Variants in ZZEF1 observed in about 807,000 individuals in gnomAD.
ZZEF1 encodes zinc finger ZZ-type and EF-hand domain-containing protein 1.
ZZEF1 carries 157 observed loss-of-function variants against 342.8 expected under a neutral mutation model. The observed-to-expected ratio is 0.46, with a 90% CI of 0.40 to 0.52. The LOEUF is 0.52. Ranked by LOEUF, ZZEF1 falls within the 20% of genes least tolerant of loss-of-function variation. ZZEF1 has a pLI of 0.00. For missense variants in ZZEF1, 3,480 were observed against 3,725.6 expected (o/e 0.93, Z 1.72); for synonymous variants, 1,505 against 1,429.1 (o/e 1.05, Z -1.20).
chr17:4,022,513 T>C, intron 44 of ZZEF1, 196 bp downstream of exon 44: 1 of 625,806 alleles, frequency 1.6e-6, no homozygotes, highest in South Asian at 2.5e-5. Flanking sequence ...AACATTAAAT[T>C]CATTTTCCCT....
chr17:4,113,631 C>A (rs1460511605), intron 4 of ZZEF1, among the ~76,000 whole-genome samples: 1 of 151,344 alleles, frequency 6.6e-6, no homozygotes, highest in Non-Finnish European at 1.5e-5. Context: ...TGCCACTGCA[C>A]TCCAGCCTGG....
intron 8 of ZZEF1, among the ~76,000 whole-genome samples, chr17:4,104,424 T>C (rs2058176534): frequency 6.6e-6 from 1 of 152,184 alleles, no homozygotes; most frequent in African/African-American, 2.4e-5. Flanking sequence ...CTGGTGATAC[T>C]GCCATCACAT....
chr17:4,074,001 G>A (rs2057559263), intron 24 of ZZEF1, 149 bp downstream of exon 24: 3 of 892,574 alleles, frequency 3.4e-6, no homozygotes, highest in Non-Finnish European at 5.1e-6. Context: ...GGTATTGAGT[G>A]GACACTTTAT....
At chr17:4,133,432 G>A (rs1221762768) in intron 1 of ZZEF1, among the ~76,000 whole-genome samples, 4 of 152,018 alleles carry the variant, frequency 2.6e-5, no homozygotes, top group Admixed American at 6.6e-5. Flanking sequence ...ATAACCCCTC[G>A]GGTTCCTTAC....
intron 26 of ZZEF1, among the ~76,000 whole-genome samples, chr17:4,069,864 C>T (rs982804605): frequency 3.3e-5 from 5 of 151,558 alleles, no homozygotes; most frequent in African/African-American, 1.2e-4. Flanking sequence ...AAATGAGCAA[C>T]AGTCAATTAC....
At chr17:4,072,562 C>T (rs769869381) in intron 25 of ZZEF1, 46 bp downstream of exon 25, 8 of 1,560,170 alleles carry the variant, frequency 5.1e-6, no homozygotes, top group South Asian at 2.4e-5. Context: ...TAAATACTTG[C>T]AGGCAGTTTC....
chr17:4,005,975 T>A lies in ZZEF1; in HGVS notation c.*915A>T, dbSNP rs1346745418. 2.0e-5 allele frequency: 3 copies of A among 152,108 alleles called. No individual in the cohort carries two copies. Among genetic ancestry groups the A allele is most frequent in the African/African-American group, 4.8e-5 (2 of 41,408 alleles). 9.4% of individuals were successfully genotyped at this position (152,108 alleles called of 1,614,324 possible). ...GTGACAGCCAAACAGCCACGCAGAGTCCCAGAGGTGGGTATGACAGACTAC... is the reference window on the plus strand; with the variant it reads ...GTGACAGCCAAACAGCCACGCAGAGACCCAGAGGTGGGTATGACAGACTAC... On this transcript the variant is annotated 3_prime_UTR_variant, in exon 55 of 55. Coordinates refer to ENST00000381638, the MANE Select transcript of ZZEF1 (RefSeq NM_015113.4).
intron 43 of ZZEF1, 115 bp from the exon 44 acceptor site, chr17:4,022,943 C>T: frequency 7.3e-7 from 1 of 1,362,310 alleles, no homozygotes; most frequent in Non-Finnish European, 1.0e-6. Flanking sequence ...TCAACACATA[C>T]TTTTGAATGA....
Position 4,142,745 on chromosome 17 carries a change from G to A in ZZEF1, c.151C>T (p.Leu51=), listed in dbSNP as rs1186064058. ...GCCTCTCGCAGCCTGGCCGGCTCCA[G>A]CAGCGCCGCGGCGGGTGGTAGCGCT... ...APALPPAAAL[L]EPARLREAAA... The change falls in exon 1 of 55, where the codon CTG becomes TTG. Residue 51 remains leucine, a synonymous_variant. Transcript: ENST00000381638. The A allele has an allele frequency of 1.7e-5, 25 of 1,497,416 alleles. No homozygotes were observed. Among genetic ancestry groups the A allele is most frequent in the Non-Finnish European group, 2.0e-5 (23 of 1,128,886 alleles). 92.8% of individuals were successfully genotyped at this position (1,497,416 alleles called of 1,614,324 possible).
intron 1 of ZZEF1, among the ~76,000 whole-genome samples, chr17:4,126,285 C>G (rs2058572493): frequency 6.6e-6 from 1 of 151,488 alleles, no homozygotes; most frequent in South Asian, 2.1e-4. Flanking sequence ...ACACCCTATC[C>G]CTCAAGGCTT....
chr17:4,113,064 A>G (rs1474350076), intron 4 of ZZEF1, among the ~76,000 whole-genome samples: 3 of 152,258 alleles, frequency 2.0e-5, no homozygotes, highest in Non-Finnish European at 2.9e-5. Context: ...AACGAACAGT[A>G]TGAACATTCT....
intron 1 of ZZEF1, among the ~76,000 whole-genome samples, chr17:4,138,732 C>A (rs193215897): frequency 6.6e-6 from 1 of 152,174 alleles, no homozygotes. Flanking sequence ...GTACTCAGCA[C>A]GTTTTTCTGC....
In ZZEF1 at chr17:4,045,568, A is replaced by T. The variant is rs114995366; in HGVS notation, c.6016-1194T>A. 4.6e-3 allele frequency among the ~76,000 whole-genome samples: 700 copies of T among 152,312 alleles called. 4 individuals carry two copies. The highest frequency in any genetic ancestry group is 0.016 in the African/African-American group (649 of 41,574). ...TATGACATTGTTTTCACTGCCACAGATGAAGCTATTTTATTGCTGTAGAAA... is the reference window on the plus strand; with the variant it reads ...TATGACATTGTTTTCACTGCCACAGTTGAAGCTATTTTATTGCTGTAGAAA... On this transcript the variant is annotated intron_variant, in intron 37 of 54. Coordinates refer to ENST00000381638, the MANE Select transcript of ZZEF1 (RefSeq NM_015113.4).
chr17:4,017,323 C>A lies in ZZEF1; in HGVS notation c.8001+48G>T. 6.5e-7 allele frequency: 1 copy of A among 1,542,290 alleles called. No individual in the cohort carries two copies. Among genetic ancestry groups the A allele is most frequent in the Non-Finnish European group, 8.7e-7 (1 of 1,143,852 alleles). ...CACTCACTGGAGGAAGCCTGTGGGG[C>A]AGAGGAAGAACCTGGTGGGTGAGCA... is the stretch of plus-strand genomic sequence containing the variant. On this transcript the variant is annotated intron_variant, in intron 48 of 54. Coordinates refer to ENST00000381638, the MANE Select transcript of ZZEF1 (RefSeq NM_015113.4). The surrounding 1 kb of genome is among the most constrained non-coding windows in gnomAD (Gnocchi z 5.1).
chr17:4,118,178 A>G (rs865833533), intron 2 of ZZEF1, among the ~76,000 whole-genome samples: 1 of 152,194 alleles, frequency 6.6e-6, no homozygotes, highest in Non-Finnish European at 1.5e-5. Context: ...TTGTGCCTTC[A>G]GGACCTGCTC....
At chr17:4,139,558 G>A (rs1343997777) in intron 1 of ZZEF1, among the ~76,000 whole-genome samples, 1 of 152,208 alleles carries the variant, frequency 6.6e-6, no homozygotes, top group Non-Finnish European at 1.5e-5. Context: ...GTGTAAGTAT[G>A]CACAAAAGTA....
intron 28 of ZZEF1, among the ~76,000 whole-genome samples, chr17:4,065,965 TAA>T (rs973663805): frequency 1.3e-5 from 2 of 151,480 alleles, no homozygotes; most frequent in South Asian, 2.1e-4. Flanking sequence ...ACCCCTTCTC[TAA>T]AAAAAAGTTT....
intron 5 of ZZEF1, 131 bp downstream of exon 5, chr17:4,112,478 T>G: frequency 1.1e-6 from 1 of 937,310 alleles, no homozygotes; most frequent in Non-Finnish European, 1.7e-6. Flanking sequence ...ACTTAATGAA[T>G]GAAATAATGA....
intron 42 of ZZEF1, among the ~76,000 whole-genome samples, chr17:4,031,494 T>C (rs1425114689): frequency 6.6e-6 from 1 of 152,176 alleles, no homozygotes; most frequent in African/African-American, 2.4e-5. Context: ...GGATGGCCTG[T>C]TCAACAAATG....
Sources: gnomAD v4.1 joint callset for allele counts (sites outside exome capture counted in the v4.1 genomes callset) on GRCh38, gnomAD v4.1.1 for gene constraint, Gnocchi (gnomAD v3.1) non-coding constraint, MANE v1.5 for transcripts, NCBI Gene and HGNC (gene_info 2026-07-23, HGNC 2026-07-21) for gene names.